The following SLC30A6 variants were observed in gnomAD, a reference collection of about 807,000 sequenced individuals.
SLC30A6 encodes the protein solute carrier family 30 member 6.
In SLC30A6, 55 loss-of-function variants were observed where a neutral mutation model predicts 63.0. That is an observed-to-expected ratio of 0.87 (90% CI 0.70 to 1.09). The LOEUF is 1.09. Among genes scored for constraint, SLC30A6 ranks in the 50% least tolerant of loss-of-function variants. SLC30A6 has a pLI of 0.00. For missense variants in SLC30A6, 587 were observed against 549.2 expected, an observed-to-expected ratio of 1.07 and a Z score of -0.69; for synonymous variants, 224 against 186.1, an observed-to-expected ratio of 1.20 and a Z score of -1.66.
In SLC30A6 at chr2:32,204,588, A is replaced by G; in HGVS notation, c.666-2A>G. The G allele has an allele frequency of 2.5e-6, 4 of 1,602,634 alleles. No homozygotes were observed. The highest frequency in any genetic ancestry group is 3.4e-6 in the Non-Finnish European group (4 of 1,171,444). ...AAATTTAGAATTGTTTTTTCCTTTT[A>G]GTAATTATTTTGCCGTAGACACTGC... On this transcript the variant is annotated splice_acceptor_variant, in intron 10 of 13. Coordinates refer to ENST00000282587, the MANE Select transcript of SLC30A6 (RefSeq NM_017964.5). LOFTEE classifies it high-confidence loss of function.
chr2:32,209,403 T>C (rs1348277806), intron 12 of SLC30A6, 90 bp from the exon 13 acceptor site: 3 of 1,009,052 alleles, frequency 3.0e-6, no homozygotes, highest in Non-Finnish European at 4.4e-6. Flanking sequence ...GCTGTCATTC[T>C]TAAGTTTAAA....
At chr2:32,171,084 C>T (rs939581268) in intron 1 of SLC30A6, among the ~76,000 whole-genome samples, 1 of 152,158 alleles carries the variant, frequency 6.6e-6, no homozygotes, top group Non-Finnish European at 1.5e-5. Context: ...GGATGACTTA[C>T]TAAAAGTTGT....
chr2:32,213,058 A>G (rs1685394519), intron 13 of SLC30A6, among the ~76,000 whole-genome samples: 1 of 151,814 alleles, frequency 6.6e-6, no homozygotes. Context: ...GGTACACGCC[A>G]CCATGCCCAG....
chr2:32,207,585 C>T (rs1488031797), intron 12 of SLC30A6, among the ~76,000 whole-genome samples: 1 of 151,862 alleles, frequency 6.6e-6, no homozygotes, highest in African/African-American at 2.4e-5. Context: ...CTGTGTTGGC[C>T]AGGCTGGTCT....
intron 12 of SLC30A6, among the ~76,000 whole-genome samples, chr2:32,207,880 A>G (rs1005211320): frequency 2.0e-5 from 3 of 148,934 alleles, no homozygotes; most frequent in African/African-American, 7.4e-5. Context: ...TTGTATTTTT[A>G]GTAGAGACAG....
intron 13 of SLC30A6, among the ~76,000 whole-genome samples, chr2:32,214,737 T>C (rs946010466): frequency 6.6e-6 from 1 of 152,208 alleles, no homozygotes; most frequent in African/African-American, 2.4e-5. Flanking sequence ...ACAAAAGCCA[T>C]AGATTAACGC....
At chr2:32,215,531 T>C (rs1288248913) in intron 13 of SLC30A6, among the ~76,000 whole-genome samples, 1 of 146,936 alleles carries the variant, frequency 6.8e-6, no homozygotes, top group Non-Finnish European at 1.5e-5. Context: ...TTTTTTTTTT[T>C]TAAGTTCTTA....
chr2:32,207,692 AT>A (rs34666891), intron 12 of SLC30A6, among the ~76,000 whole-genome samples: 73 of 54,432 alleles, frequency 1.3e-3, no homozygotes, highest in South Asian at 3.5e-3. Context: ...TAACTTCTGT[AT>A]TTTTTTTTTT....
Position 32,192,381 on chromosome 2 carries a change from G to T in SLC30A6, c.330G>T (p.Leu110Phe), listed in dbSNP as rs750291214. Reference sequence around the variant, plus strand: ...TGGCTGTATTTGCCTCCACAGTCTTGGCACAGTTGGGAGCTCTCTTTATAT... The same window carrying T: ...TGGCTGTATTTGCCTCCACAGTCTTTGCACAGTTGGGAGCTCTCTTTATAT... ...EVLAVFASTV[L>F]AQLGALFILK... The change falls in exon 6 of 14, where the codon TTG becomes TTT. Residue 110 changes from leucine to phenylalanine, a missense_variant. Leu to Phe is a conservative substitution (Grantham distance 22, BLOSUM62 0). Coordinates refer to ENST00000282587, the MANE Select transcript of SLC30A6 (RefSeq NM_017964.5). 6.8e-6 allele frequency: 11 copies of T among 1,613,846 alleles called. No homozygotes were observed. The African/African-American group carries it at 1.2e-4, about 18-fold the overall frequency.
At chr2:32,205,091 G>A (rs572399966) in intron 11 of SLC30A6, among the ~76,000 whole-genome samples, 11 of 152,136 alleles carry the variant, frequency 7.2e-5, no homozygotes, top group Non-Finnish European at 1.5e-4. Context: ...GGGACTATAC[G>A]CGAGAGCCAT....
chr2:32,207,462 C>T (rs893463611), intron 12 of SLC30A6, among the ~76,000 whole-genome samples: 10 of 151,856 alleles, frequency 6.6e-5, no homozygotes, highest in Non-Finnish European at 1.5e-4. Flanking sequence ...CTGCAACCTC[C>T]GTCTCCCAGG....
intron 8 of SLC30A6, among the ~76,000 whole-genome samples, chr2:32,196,295 A>G (rs1408732687): frequency 6.6e-6 from 1 of 152,132 alleles, no homozygotes; most frequent in Non-Finnish European, 1.5e-5. Flanking sequence ...TGCCTGGGTG[A>G]CAAAAGTGAA....
chr2:32,216,058 C>G (rs1685677170), intron 13 of SLC30A6, among the ~76,000 whole-genome samples: 1 of 152,118 alleles, frequency 6.6e-6, no homozygotes, highest in Non-Finnish European at 1.5e-5. Flanking sequence ...AGATTATTTT[C>G]TTTTGGATAT....
chr2:32,210,711 G>A (rs1005165077), intron 13 of SLC30A6, among the ~76,000 whole-genome samples: 1 of 151,790 alleles, frequency 6.6e-6, no homozygotes, highest in Non-Finnish European at 1.5e-5. Flanking sequence ...ATCAAAGCTG[G>A]TCTAGCAGTT....
chr2:32,196,343 G>A lies in SLC30A6; in HGVS notation c.497-1001G>A, dbSNP rs544552060. ...AACAAAAAAAAAAGAAAAAAGATTT[G>A]TGAAATTACTTGAAATTTGAGTGGG... On this transcript the variant is annotated intron_variant, in intron 8 of 13. Coordinates refer to ENST00000282587, the MANE Select transcript of SLC30A6 (RefSeq NM_017964.5). 4.9e-4 allele frequency among the ~76,000 whole-genome samples: 74 copies of A among 151,964 alleles called. No individual in the cohort carries two copies. In the South Asian group the frequency reaches 0.015, roughly 30 times the overall value.
chr2:32,202,801 G>A (rs1044857672), intron 10 of SLC30A6: 2 of 755,158 alleles, frequency 2.6e-6, no homozygotes, highest in Non-Finnish European at 4.8e-6. Context: ...CAGTGGGTAT[G>A]CAAAGTTGCA....
chr2:32,206,891 A>G lies in SLC30A6; in HGVS notation c.774A>G (p.Thr258=). The G allele has an allele frequency of 1.2e-6, 2 of 1,611,804 alleles. No homozygotes were observed. Among genetic ancestry groups the G allele is most frequent in the Non-Finnish European group, 1.7e-6 (2 of 1,178,022 alleles). ...VYSGKVLLQT[T]PPHVIGQLDK... ...TTTATTGTATTTTTCCCCAGACAAC[A>G]CCACCCCATGTTATTGGTCAGTTGG... The change falls in exon 12 of 14, where the codon ACA becomes ACG. Residue 258 remains threonine (T), a synonymous_variant. Transcript: ENST00000282587.
chr2:32,220,351 T>C lies in SLC30A6; in HGVS notation c.1024T>C (p.Leu342=). 2.5e-6 allele frequency: 4 copies of C among 1,614,228 alleles called. No individual in the cohort carries two copies. Among genetic ancestry groups the C allele is most frequent in the Non-Finnish European group, 1.7e-6 (2 of 1,180,024 alleles). The change falls in exon 14 of 14, where the codon TTG becomes CTG. Residue 342 remains leucine, a synonymous_variant. Coordinates refer to ENST00000282587, the MANE Select transcript of SLC30A6 (RefSeq NM_017964.5). ...FKDDWIRPAL[L]SGPVAANVLN... The stretch of plus-strand genomic sequence containing the variant: ...GGATGACTGGATTAGGCCTGCCTTA[T>C]TGTCTGGGCCTGTTGCAGCCAATGT...
chr2:32,214,224 C>A (rs540016810), intron 13 of SLC30A6, among the ~76,000 whole-genome samples: 1 of 152,108 alleles, frequency 6.6e-6, no homozygotes, highest in South Asian at 2.1e-4. Flanking sequence ...AATGAGGCAC[C>A]ATGCCCAGCC....
Sources: allele counts gnomAD v4.1 joint callset (sites outside exome capture counted in the v4.1 genomes callset), GRCh38; gene constraint gnomAD v4.1.1; transcripts MANE v1.5; gene names NCBI Gene and HGNC (gene_info 2026-07-23, HGNC 2026-07-21).